The following OLFML2B variants were observed in gnomAD, a reference collection of about 807,000 sequenced individuals.
OLFML2B encodes olfactomedin-like protein 2B.
Under a neutral mutation model 74.9 loss-of-function variants are expected in OLFML2B, and 57 were observed. That is an observed-to-expected ratio of 0.76 (90% CI 0.61 to 0.95). The LOEUF (loss-of-function observed/expected upper bound fraction) is 0.95, where lower values mean the gene tolerates loss of function less well. Ranked by LOEUF, OLFML2B falls within the 40% of genes least tolerant of loss-of-function variation. The pLI is 0.00. For missense variants in OLFML2B, 986 were observed against 970.6 expected, an observed-to-expected ratio of 1.02 and a Z score of -0.21; for synonymous variants, 388 against 405.8, an observed-to-expected ratio of 0.96 and a Z score of 0.53.
chr1:161,984,619 C>A (rs769835109), intron 7 of OLFML2B, among the ~76,000 whole-genome samples, 185 bp downstream of exon 7: 3 of 152,072 alleles, frequency 2.0e-5, no homozygotes, highest in Non-Finnish European at 4.4e-5. Context: ...AGGGGCAGAG[C>A]TGAGAGGCAG....
Position 162,023,511 on chromosome 1 carries a change from G to A in OLFML2B, c.-81C>T, listed in dbSNP as rs1237405666. The A allele has an allele frequency of 2.2e-6, 3 of 1,349,226 alleles. No individual in the cohort carries two copies. The highest frequency in any genetic ancestry group is 3.1e-5 in the Admixed American group (1 of 32,006). The allele number at this position is 1,349,226 out of a possible 1,614,324, so 83.6% of individuals were successfully genotyped here. On this transcript the variant is annotated 5_prime_UTR_variant, in exon 1 of 8. Transcript: ENST00000294794. ...TCTCGGCAAGGACTTCTGCGAGAGGGTGTCCTCGCTAGAGCCCGAAAGTGG... is the reference window on the plus strand; with the variant it reads ...TCTCGGCAAGGACTTCTGCGAGAGGATGTCCTCGCTAGAGCCCGAAAGTGG...
At chr1:161,999,484 C>T (rs1311201939) in intron 5 of OLFML2B, among the ~76,000 whole-genome samples, 1 of 152,072 alleles carries the variant, frequency 6.6e-6, no homozygotes, top group Non-Finnish European at 1.5e-5. Flanking sequence ...CAGGAAGCTG[C>T]TGCATCAGCC....
At chr1:161,997,047 C>T (rs566794721) in intron 6 of OLFML2B, among the ~76,000 whole-genome samples, 7 of 152,254 alleles carry the variant, frequency 4.6e-5, no homozygotes, top group Admixed American at 3.9e-4. Context: ...GTCCCAGCTA[C>T]TTGGGAGGCT....
In OLFML2B at chr1:161,983,729, G is replaced by C. The variant is rs767145267; in HGVS notation, c.2199C>G (p.Leu733=). ...QIDYNPKDRL[L]YAWDNGHQVT... ...CCTGGTGGCCATTGTCCCAGGCATA[G>C]AGCAGGCGGTCCTTGGGGTTGTAGT... Residue 733 remains leucine, a synonymous_variant, in exon 8 of 8, where the codon CTC becomes CTG. Coordinates refer to ENST00000294794, the MANE Select transcript of OLFML2B (RefSeq NM_015441.3). 37 of 1,613,858 alleles carry C rather than the reference G, an allele frequency of 2.3e-5. No individual in the cohort carries two copies. The highest frequency in any genetic ancestry group is 2.8e-5 in the Non-Finnish European group (33 of 1,179,966).
Position 162,000,099 on chromosome 1 carries a change from T to A in OLFML2B, c.949+14A>T, listed in dbSNP as rs755333285. On this transcript the variant is annotated intron_variant, in intron 5 of 7. Coordinates refer to ENST00000294794, the MANE Select transcript of OLFML2B (RefSeq NM_015441.3). ...TACCCTGCCTCTGGGGCGGCCCTGT[T>A]GACCCCAACTCACGCTGCTCTTCAA... 1.9e-6 allele frequency: 3 copies of A among 1,572,348 alleles called. No homozygotes were observed. The highest frequency in any genetic ancestry group is 2.6e-6 in the Non-Finnish European group (3 of 1,154,440).
At chr1:162,006,714 C>G (rs1690244823) in intron 3 of OLFML2B, among the ~76,000 whole-genome samples, 1 of 152,186 alleles carries the variant, frequency 6.6e-6, no homozygotes, top group Non-Finnish European at 1.5e-5. Context: ...ACTGCCCAAA[C>G]TACCATAGCT....
chr1:162,011,332 G>C (rs1449017577), intron 3 of OLFML2B, among the ~76,000 whole-genome samples: 1 of 152,184 alleles, frequency 6.6e-6, no homozygotes. Context: ...GGAGTGACCT[G>C]AGCAAGTGTG....
At chr1:161,998,933 G>A (rs1690005883) in intron 5 of OLFML2B, among the ~76,000 whole-genome samples, 1 of 152,202 alleles carries the variant, frequency 6.6e-6, no homozygotes, top group Non-Finnish European at 1.5e-5. Context: ...AGTCAGCTGA[G>A]CAGCCATCGG....
At chr1:162,011,883 C>T (rs903268974) in intron 3 of OLFML2B, among the ~76,000 whole-genome samples, 3 of 152,238 alleles carry the variant, frequency 2.0e-5, no homozygotes, top group South Asian at 2.1e-4. Context: ...GTTCCTAGGC[C>T]GACGGATGGA....
intron 4 of OLFML2B, among the ~76,000 whole-genome samples, chr1:162,002,437 G>C (rs1806532): frequency 0.79 from 120,791 of 152,216 alleles, 48,397 homozygotes; most frequent in African/African-American, 0.87. Context: ...CCCAGTGCCC[G>C]GAGGCAGGGC....
rs925156297 is a variant in OLFML2B at position 162,005,914 on chromosome 1, A to T, written c.723+383T>A. Among the ~76,000 whole-genome samples, 618 of 150,972 alleles carry T rather than the reference A, an allele frequency of 4.1e-3. 7 individuals are homozygous for T. The highest frequency in any genetic ancestry group is 0.013 in the African/African-American group (527 of 41,096). On this transcript the variant is annotated intron_variant, in intron 4 of 7. Coordinates refer to ENST00000294794, the MANE Select transcript of OLFML2B (RefSeq NM_015441.3). ...AGCTGGAACCTATCAAAAAAAAAAA[A>T]AAAAAAAAAAAAAATCATGCCAGGA...
At chr1:162,020,216 A>G (rs1287167251) in intron 1 of OLFML2B, 34 bp from the exon 2 acceptor site, 3 of 1,606,868 alleles carry the variant, frequency 1.9e-6, no homozygotes, top group Non-Finnish European at 2.6e-6. Flanking sequence ...GGGGCATGCA[A>G]ACACAGGTGT....
intron 2 of OLFML2B, among the ~76,000 whole-genome samples, chr1:162,019,244 TA>T (rs975705903): frequency 6.6e-6 from 1 of 152,212 alleles, no homozygotes; most frequent in Non-Finnish European, 1.5e-5. Context: ...AAGTAGATGT[TA>T]TTATTACCAC....
At chr1:162,003,273 C>T (rs1375491443) in intron 4 of OLFML2B, among the ~76,000 whole-genome samples, 1 of 152,254 alleles carries the variant, frequency 6.6e-6, no homozygotes, top group Non-Finnish European at 1.5e-5. Context: ...AGCTGCTCGG[C>T]AGGCTGTCAG....
intron 6 of OLFML2B, among the ~76,000 whole-genome samples, chr1:161,987,029 G>C (rs1220151129): frequency 1.3e-5 from 2 of 152,230 alleles, no homozygotes; most frequent in Non-Finnish European, 2.9e-5. Flanking sequence ...CTCACACCAA[G>C]GCTCTGCAGT....
intron 1 of OLFML2B, among the ~76,000 whole-genome samples, 178 bp from the exon 2 acceptor site, chr1:162,020,360 A>C (rs1053263549): frequency 3.3e-5 from 5 of 152,152 alleles, no homozygotes; most frequent in African/African-American, 1.2e-4. Context: ...CATTTCCTTG[A>C]AGGCATTCAG....
intron 1 of OLFML2B, among the ~76,000 whole-genome samples, chr1:162,021,599 C>T (rs984138507): frequency 1.3e-5 from 2 of 152,212 alleles, no homozygotes; most frequent in African/African-American, 4.8e-5. Context: ...TAATGTTTTC[C>T]TTGCAAAGAT....
intron 1 of OLFML2B, among the ~76,000 whole-genome samples, chr1:162,021,369 G>C (rs1052120962): frequency 6.6e-6 from 1 of 152,204 alleles, no homozygotes; most frequent in Non-Finnish European, 1.5e-5. Context: ...AGGAAAACAC[G>C]CGACAGTAGG....
chr1:162,004,315 C>T (rs1690160608), intron 4 of OLFML2B, among the ~76,000 whole-genome samples: 1 of 152,166 alleles, frequency 6.6e-6, no homozygotes, highest in African/African-American at 2.4e-5. Context: ...GATGATCCAC[C>T]AAGCAGACTA....
Sources: allele counts gnomAD v4.1 joint callset (sites outside exome capture counted in the v4.1 genomes callset), GRCh38; gene constraint gnomAD v4.1.1; transcripts MANE v1.5; gene names NCBI Gene and HGNC (gene_info 2026-07-23, HGNC 2026-07-21).